CSNK2A2: variants seen among roughly 807,000 people sequenced by gnomAD.
CSNK2A2 encodes casein kinase II subunit alpha'.
CSNK2A2 carries 8 observed loss-of-function variants against 54.0 expected under a neutral mutation model. That is an observed-to-expected ratio of 0.15 (90% confidence interval 0.09 to 0.27). The LOEUF is 0.27. CSNK2A2 is among the 10% of genes least tolerant of loss of function. CSNK2A2 has a pLI of 1.00. For missense variants in CSNK2A2, 242 were observed against 439.4 expected (o/e 0.55, Z 4.02); for synonymous variants, 141 against 153.9 (o/e 0.92, Z 0.62).
At chr16:58,164,504 T>G (rs952696226) in intron 10 of CSNK2A2, among the ~76,000 whole-genome samples, 1 of 152,194 alleles carries the variant, frequency 6.6e-6, no homozygotes, top group Non-Finnish European at 1.5e-5. Context: ...TAACAAGCAC[T>G]TCAAAGGAAA....
At chr16:58,163,985 A>C in intron 11 of CSNK2A2, 69 bp downstream of exon 11, 1 of 1,186,750 alleles carries the variant, frequency 8.4e-7, no homozygotes, top group Non-Finnish European at 1.2e-6. Context: ...TTTTTATCAC[A>C]CTGTAGTTTT....
chr16:58,181,152 A>C (rs1962029275), intron 4 of CSNK2A2, among the ~76,000 whole-genome samples: 1 of 152,238 alleles, frequency 6.6e-6, no homozygotes, highest in African/African-American at 2.4e-5. Context: ...CCGTAAAAGG[A>C]GCAGGGAGAT....
chr16:58,194,456 T>C lies in CSNK2A2; in HGVS notation c.216+2277A>G, dbSNP rs1176466913. On this transcript the variant is annotated intron_variant, in intron 2 of 11. Transcript: ENST00000262506. The stretch of plus-strand genomic sequence containing the variant: ...GACAGGAACAAAATCTGGATAGAAA[T>C]GCCACCGGGCTTTAAAAAACATAAA... 6.6e-5 allele frequency among the ~76,000 whole-genome samples: 10 copies of C among 152,304 alleles called. No homozygotes were observed. In the East Asian group the frequency reaches 1.9e-3, roughly 29 times the overall value.
At chr16:58,160,199 T>C (rs559606052) in intron 11 of CSNK2A2, 4 of 152,342 alleles carry the variant, frequency 2.6e-5, no homozygotes, top group Non-Finnish European at 4.4e-5. Context: ...TCAGTCTTAA[T>C]TTATTAAGAT....
At chr16:58,158,602 C>G (rs1024262046) in intron 11 of CSNK2A2, among the ~76,000 whole-genome samples, 2 of 152,192 alleles carry the variant, frequency 1.3e-5, no homozygotes, top group Non-Finnish European at 2.9e-5. Flanking sequence ...CTCTGGGCAC[C>G]ACGTGTGTTG....
At chr16:58,178,430 G>A (rs1360425335) in intron 4 of CSNK2A2, among the ~76,000 whole-genome samples, 5 of 151,766 alleles carry the variant, frequency 3.3e-5, no homozygotes, top group African/African-American at 1.2e-4. Flanking sequence ...GACTACAGGC[G>A]TGCACCATAG....
rs781467731 is a variant in CSNK2A2 at position 58,167,328 on chromosome 16, G to A, written c.625-20C>T. 6.3e-5 allele frequency: 98 copies of A among 1,559,810 alleles called. No homozygotes were observed. Among genetic ancestry groups the A allele is most frequent in the Non-Finnish European group, 8.0e-5 (91 of 1,137,142 alleles). ...ATACATCTGAGGCAATAAGGACAAC[G>A]CATTAGCCAAGGGTATTAGAAATCC... On this transcript the variant is annotated intron_variant, in intron 7 of 11. Coordinates refer to ENST00000262506, the MANE Select transcript of CSNK2A2 (RefSeq NM_001896.4).
intron 6 of CSNK2A2, among the ~76,000 whole-genome samples, 183 bp from the exon 7 acceptor site, chr16:58,167,978 G>A (rs1961615238): frequency 6.6e-6 from 1 of 152,136 alleles, no homozygotes; most frequent in African/African-American, 2.4e-5. Context: ...CAGAACACTT[G>A]AAATGCTTTT....
At chr16:58,192,528 G>A in intron 2 of CSNK2A2, 1 of 151,904 alleles carries the variant, frequency 6.6e-6, no homozygotes, top group Non-Finnish European at 1.5e-5. Context: ...CATTAAACAT[G>A]CTGCTGTGGA....
At chr16:58,193,778 T>C (rs1466511517) in intron 2 of CSNK2A2, among the ~76,000 whole-genome samples, 3 of 152,230 alleles carry the variant, frequency 2.0e-5, no homozygotes, top group African/African-American at 7.2e-5. Context: ...CTTTCTGCCC[T>C]GCCATATAAA....
At chr16:58,170,254 C>T (rs1176583647) in intron 5 of CSNK2A2, among the ~76,000 whole-genome samples, 2 of 151,966 alleles carry the variant, frequency 1.3e-5, no homozygotes, top group African/African-American at 4.8e-5. Context: ...CTAACTTCTC[C>T]CAACCCCTCC....
At chr16:58,184,436 C>A in intron 3 of CSNK2A2, 126 bp from the exon 4 acceptor site, 2 of 603,942 alleles carry the variant, frequency 3.3e-6, no homozygotes, top group Non-Finnish European at 2.9e-6. Flanking sequence ...CAGGGACAGC[C>A]TGTCAAGAAA....
intron 11 of CSNK2A2, chr16:58,160,276 T>C (rs1295323334): frequency 4.6e-5 from 7 of 152,208 alleles, no homozygotes; most frequent in Non-Finnish European, 8.8e-5. Flanking sequence ...AGGGTTTATA[T>C]TGAAACGACT....
chr16:58,197,679 T>G lies in CSNK2A2; in HGVS notation c.58A>C (p.Arg20=). 7 of 1,573,566 alleles carry G rather than the reference T, an allele frequency of 4.4e-6. No individual in the cohort carries two copies. Among genetic ancestry groups the G allele is most frequent in the Non-Finnish European group, 6.0e-6 (7 of 1,163,114 alleles). The change falls in exon 1 of 12, where the codon AGG becomes CGG. Residue 20 remains arginine (R), a synonymous_variant. Transcript: ENST00000262506. This position sits in a 1 kb window ranked among gnomAD's most constrained non-coding sequence, Gnocchi z 4.0. ...TCGTAGTCCCAGTACTCGCGGCTCC[T>G]CAGACTGTTCACCTCGGCGTAGACC... ...ARVYAEVNSL[R]SREYWDYEAH... is the part of the protein sequence containing the mutation.
At position 58,174,487 on chromosome 16, in the gene CSNK2A2, G is replaced by A; in HGVS notation, c.393C>T (p.Asp131=). 1.2e-6 allele frequency: 2 copies of A among 1,612,764 alleles called. No individual in the cohort carries two copies. Among genetic ancestry groups the A allele is most frequent in the South Asian group, 1.1e-5 (1 of 90,746 alleles). ...CATACATATAAAACCGGATATCAAA[G>A]TCTGTCAGGATCTGGTAGAGTTGCT... is the stretch of plus-strand genomic sequence containing the variant. The part of the protein sequence containing the change: ...DFKQLYQILT[D]FDIRFYMYEL... Residue 131 remains aspartate (D), a synonymous_variant, in exon 5 of 12, where the codon GAC becomes GAT. Transcript: ENST00000262506.
intron 2 of CSNK2A2, among the ~76,000 whole-genome samples, chr16:58,189,633 C>T (rs1962278620): frequency 1.3e-5 from 2 of 152,168 alleles, no homozygotes; most frequent in African/African-American, 4.8e-5. Context: ...TTTTGCTGCC[C>T]ACCAGGTGTC....
At chr16:58,187,717 A>G (rs1432250501) in intron 2 of CSNK2A2, among the ~76,000 whole-genome samples, 5 of 152,270 alleles carry the variant, frequency 3.3e-5, no homozygotes, top group African/African-American at 9.6e-5. Context: ...TGTTATTTTC[A>G]TATTTTTAGT....
intron 2 of CSNK2A2, among the ~76,000 whole-genome samples, chr16:58,190,715 A>C (rs935528662): frequency 2.6e-5 from 4 of 152,252 alleles, no homozygotes; most frequent in African/African-American, 9.6e-5. Context: ...AAGTCAGGAT[A>C]GCTGCTATCA....
chr16:58,164,993 T>C (rs1277246897), intron 10 of CSNK2A2, among the ~76,000 whole-genome samples: 1 of 152,206 alleles, frequency 6.6e-6, no homozygotes, highest in Non-Finnish European at 1.5e-5. Context: ...AGGAAGTTTA[T>C]TTGAAACACA....
Sources: allele counts gnomAD v4.1 joint callset (sites outside exome capture counted in the v4.1 genomes callset), GRCh38; gene constraint gnomAD v4.1.1; non-coding constraint Gnocchi (gnomAD v3.1); transcripts MANE v1.5; gene names NCBI Gene and HGNC (gene_info 2026-07-23, HGNC 2026-07-21).